ATP8B3: variants seen among roughly 807,000 people sequenced by gnomAD.
ATP8B3 encodes phospholipid-transporting ATPase IK.
A neutral mutation model predicts 140.9 loss-of-function variants in ATP8B3; 141 were observed. The ratio of observed to expected loss-of-function variants is 1.00; its 90% CI spans 0.87 to 1.15. The LOEUF is 1.15. Among genes scored for constraint, ATP8B3 ranks in the 50% most tolerant of loss-of-function variants. The probability of loss-of-function intolerance (pLI) is 0.00; values close to 1 mark genes in which losing one functional copy is unlikely to be tolerated. For synonymous variants in ATP8B3, 765 were observed against 714.6 expected (o/e 1.07, Z -1.13); for missense variants, 1,874 against 1,740.6 (o/e 1.08, Z -1.36).
rs779780877 is a variant in ATP8B3, at chr19:1,789,693, C to T, written c.2513G>A (p.Arg838His). Residue 838 changes from arginine to histidine, a missense_variant, in exon 23 of 29, where the codon CGC becomes CAC. By Grantham distance (29) the Arg-to-His change is conservative. Coordinates refer to ENST00000310127, the MANE Select transcript of ATP8B3 (RefSeq NM_138813.4). ...KLLVSLRKEP[R>H]ALAQNVNMDE... ...CATGTTCACGTTCTGCGCCAGGGCGCGCGGCTCCTTCCGCAGGGACACCAG... is the reference window on the plus strand; with the variant it reads ...CATGTTCACGTTCTGCGCCAGGGCGTGCGGCTCCTTCCGCAGGGACACCAG... 7 of 1,588,816 alleles carry T rather than the reference C, an allele frequency of 4.4e-6. No homozygotes were observed. The highest frequency in any genetic ancestry group is 4.3e-6 in the Non-Finnish European group (5 of 1,170,456).
Position 1,789,019 on chromosome 19 carries a change from G to A in ATP8B3, c.2947C>T (p.Leu983=). Residue 983 remains leucine, a synonymous_variant, in exon 24 of 29, where the codon CTG becomes TTG. Coordinates refer to ENST00000310127, the MANE Select transcript of ATP8B3 (RefSeq NM_138813.4). ...GQFCFLQRLL[L]VHGRWSYVRI... ...ACGTAGGACCAGCGGCCGTGCACCA[G>A]CAGGAGGCGCTGCAGGAAGCAGAAC... 1.9e-6 allele frequency: 3 copies of A among 1,609,626 alleles called. No homozygotes were observed. The highest frequency in any genetic ancestry group is 1.7e-6 in the Non-Finnish European group (2 of 1,178,576).
At position 1,805,351 on chromosome 19, in the gene ATP8B3, ACTCCCTG is replaced by A. The variant is rs1436471235; in HGVS notation, c.904+16_904+22del. On this transcript the variant is annotated intron_variant, in intron 10 of 28. Transcript: ENST00000310127. The surrounding 1 kb of genome is among the most constrained non-coding windows in gnomAD (Gnocchi z 5.2). ...AACTTTTACAGATTCGAGGGACGTG[ACTCCCTG>A]CTCAACGCCTCTCACCTTGAAAGGA... The A allele has an allele frequency of 6.5e-7, 1 of 1,538,042 alleles. No homozygotes were observed. Among genetic ancestry groups the A allele is most frequent in the African/African-American group, 1.4e-5 (1 of 72,948 alleles).
In ATP8B3 at chr19:1,800,236, G is replaced by C; in HGVS notation, c.1343+23C>G. On this transcript the variant is annotated intron_variant, in intron 13 of 28. Transcript: ENST00000310127. This position sits in a 1 kb window ranked among gnomAD's most constrained non-coding sequence, Gnocchi z 4.4. ...CCTCCCCGTTCCGCGTTTGCACCGG[G>C]GACGCAGCCGGCGGAGACTCACAGG... 3 of 1,607,692 alleles carry C rather than the reference G, an allele frequency of 1.9e-6. No individual in the cohort carries two copies. The highest frequency in any genetic ancestry group is 2.5e-6 in the Non-Finnish European group (3 of 1,176,768).
At position 1,785,311 on chromosome 19, in the gene ATP8B3, G is replaced by A. The variant is rs368152524; in HGVS notation, c.3394-14C>T. 136 of 1,581,486 alleles carry A rather than the reference G, an allele frequency of 8.6e-5. No homozygotes were observed. In the Middle Eastern group the frequency reaches 5.6e-3, roughly 65 times the overall value. ...GATAAGAATGACCTGGACAGGCAGC[G>A]GTGGGGTAAATCCGGGGCCTAGCGG... On this transcript the variant is annotated splice_polypyrimidine_tract_variant and intron_variant, in intron 26 of 28. Transcript: ENST00000310127.
In ATP8B3 at chr19:1,805,316, C is replaced by T. The variant is rs1035236016; in HGVS notation, c.904+58G>A. 1.4e-6 allele frequency: 2 copies of T among 1,467,244 alleles called. No individual in the cohort carries two copies. Among genetic ancestry groups the T allele is most frequent in the Non-Finnish European group, 1.9e-6 (2 of 1,070,430 alleles). The allele number at this position is 1,467,244 out of a possible 1,614,324, so 90.9% of individuals were successfully genotyped here. On this transcript the variant is annotated intron_variant, in intron 10 of 28. Transcript: ENST00000310127. The surrounding 1 kb of genome is among the most constrained non-coding windows in gnomAD (Gnocchi z 5.2). ...AACAGTAATAACAACAACAAAATAC[C>T]CTAACTTTTAACTTTTACAGATTCG... is the stretch of plus-strand genomic sequence containing the variant.
chr19:1,802,920 G>A (rs761770028), intron 10 of ATP8B3, among the ~76,000 whole-genome samples: 3 of 152,026 alleles, frequency 2.0e-5, no homozygotes, highest in South Asian at 2.1e-4. Context: ...TCCCTCCCTC[G>A]TGGTTCTGAT....
At chr19:1,808,168 T>A (rs945611073) in intron 5 of ATP8B3, 54 bp downstream of exon 5, 7 of 1,403,640 alleles carry the variant, frequency 5.0e-6, no homozygotes, top group Non-Finnish European at 5.0e-6. Context: ...GACAAACACA[T>A]CGATGCTGCC....
At chr19:1,787,554 C>A (rs1452671317) in intron 24 of ATP8B3, among the ~76,000 whole-genome samples, 11 of 151,752 alleles carry the variant, frequency 7.2e-5, no homozygotes, top group African/African-American at 2.7e-4. Context: ...CACGGTGAAA[C>A]CCCGTCTCTA....
chr19:1,800,832 T>C lies in ATP8B3; in HGVS notation c.1153-383A>G, dbSNP rs1221145735. On this transcript the variant is annotated intron_variant, in intron 12 of 28. Coordinates refer to ENST00000310127, the MANE Select transcript of ATP8B3 (RefSeq NM_138813.4). This position sits in a 1 kb window ranked among gnomAD's most constrained non-coding sequence, Gnocchi z 4.4. ...GATAGAAAAACTTTTTTTTTTTTAA[T>C]TTTTTTTTTTTTTTGAGACAGAGTC... Among the ~76,000 whole-genome samples, 2 of 141,188 alleles carry C rather than the reference T, an allele frequency of 1.4e-5. No homozygotes were observed. Among genetic ancestry groups the C allele is most frequent in the Non-Finnish European group, 3.1e-5 (2 of 64,940 alleles). 92.6% of individuals were successfully genotyped at this position (141,188 alleles called of 152,430 possible).
rs2145205259 is a variant in ATP8B3, at chr19:1,805,939, G to A, written c.770C>T (p.Ala257Val). 3 of 1,610,990 alleles carry A rather than the reference G, an allele frequency of 1.9e-6. No individual in the cohort carries two copies. Among genetic ancestry groups the A allele is most frequent in the East Asian group, 2.2e-5 (1 of 44,814 alleles). The change falls in exon 9 of 29, where the codon GCC (alanine) becomes GTC (valine). Residue 257 changes from alanine to valine, a missense_variant. Ala to Val is a moderately conservative substitution (Grantham distance 64, BLOSUM62 0). Around this residue, in one of 3 missense-constraint regions of ATP8B3, gnomAD observed 1,032 missense variants for 963.6 expected, o/e 1.07. Transcript: ENST00000310127. The surrounding 1 kb of genome is among the most constrained non-coding windows in gnomAD (Gnocchi z 5.2). Reference sequence around the variant, plus strand: ...GCACAGGCTGCTGGGCTCCGTGCTGGCCAGCAAGAGCATGTCGGCCTGGTG... The same window carrying A: ...GCACAGGCTGCTGGGCTCCGTGCTGACCAGCAAGAGCATGTCGGCCTGGTG... ...NIVPADMLLL[A>V]STEPSSLCYV...
chr19:1,799,317 AGC>A (rs2068769930), intron 14 of ATP8B3: 1 of 151,734 alleles, frequency 6.6e-6, no homozygotes, highest in African/African-American at 2.4e-5. Flanking sequence ...TACAAAAATT[AGC>A]CAGGCGGGGT....
chr19:1,787,728 TAAAAAAAAAAAAAAAAAAA>T (rs561418063), intron 24 of ATP8B3, among the ~76,000 whole-genome samples: 26,407 of 120,274 alleles, frequency 0.22, 4,185 homozygotes, highest in East Asian at 0.49. Context: ...AAACTCTGTC[TAAAAAAAAAAAAAAAAAAA>T]AAAAAAAAAA....
intron 10 of ATP8B3, among the ~76,000 whole-genome samples, chr19:1,803,408 C>T (rs1358852290): frequency 6.6e-6 from 1 of 152,178 alleles, no homozygotes; most frequent in Non-Finnish European, 1.5e-5. Context: ...GGGCAGAGAA[C>T]CACAGGGCAA....
Position 1,782,387 on chromosome 19 carries a change from A to G in ATP8B3, c.*641T>C, listed in dbSNP as rs2068187011. On this transcript the variant is annotated 3_prime_UTR_variant, in exon 29 of 29. Coordinates refer to ENST00000310127, the MANE Select transcript of ATP8B3 (RefSeq NM_138813.4). ...CTCCCCGGGCACCAGCAGCCACTCC[A>G]TGGATGATGATGACTGCTTCTCCGC... 1 of 233,254 alleles carries G rather than the reference A, an allele frequency of 4.3e-6. No homozygotes were observed. Among genetic ancestry groups the G allele is most frequent in the South Asian group, 1.2e-4 (1 of 8,110 alleles). 14.4% of individuals were successfully genotyped at this position (233,254 alleles called of 1,614,324 possible).
chr19:1,803,632 T>TC (rs2068920047), intron 10 of ATP8B3, among the ~76,000 whole-genome samples: 1 of 152,232 alleles, frequency 6.6e-6, no homozygotes, highest in East Asian at 1.9e-4. Flanking sequence ...GTGCGGTGGC[T>TC]ATGCCTGCCA....
chr19:1,786,409 TA>T (rs1422682768), intron 25 of ATP8B3, among the ~76,000 whole-genome samples: 1 of 150,862 alleles, frequency 6.6e-6, no homozygotes, highest in Non-Finnish European at 1.5e-5. Context: ...CTACTAAAAA[TA>T]AAAAAATTAG....
rs755724932 is a variant in ATP8B3 at position 1,805,976 on chromosome 19, G to A, written c.751-18C>T. On this transcript the variant is annotated intron_variant, in intron 8 of 28. Transcript: ENST00000310127. This position sits in a 1 kb window ranked among gnomAD's most constrained non-coding sequence, Gnocchi z 5.2. ...ATGTCGGCCTGGTGTGGAGTGGGGG[G>A]CAGCGTTGCAAGAGGGGATGCAAGA... 6 of 1,612,332 alleles carry A rather than the reference G, an allele frequency of 3.7e-6. No individual in the cohort carries two copies. Among genetic ancestry groups the A allele is most frequent in the South Asian group, 1.1e-5 (1 of 91,080 alleles).
intron 18 of ATP8B3, among the ~76,000 whole-genome samples, chr19:1,793,541 C>T (rs1169251054): frequency 2.0e-5 from 3 of 152,144 alleles, no homozygotes; most frequent in Non-Finnish European, 4.4e-5. Flanking sequence ...TCCTTGGGCC[C>T]CTCATTTCTC....
chr19:1,783,285 G>A lies in ATP8B3; in HGVS notation c.3661-15C>T, dbSNP rs2068212114. On this transcript the variant is annotated splice_polypyrimidine_tract_variant and intron_variant, in intron 28 of 28. Transcript: ENST00000310127. Reference sequence around the variant, plus strand: ...ACCTTCTCCTCCTGAAGAGCAAAGGGGAGAGCAGGGGAAGCAGACTCCTAT... The same window carrying A: ...ACCTTCTCCTCCTGAAGAGCAAAGGAGAGAGCAGGGGAAGCAGACTCCTAT... 6.2e-7 allele frequency: 1 copy of A among 1,601,758 alleles called. No homozygotes were observed.
Sources: allele counts gnomAD v4.1 joint callset (sites outside exome capture counted in the v4.1 genomes callset), GRCh38; gene constraint gnomAD v4.1.1; regional missense constraint gnomAD v4.1.1; non-coding constraint Gnocchi (gnomAD v3.1); transcripts MANE v1.5; gene names NCBI Gene and HGNC (gene_info 2026-07-23, HGNC 2026-07-21).